Variants in AKAIN1 observed in about 807,000 individuals in gnomAD.
AKAIN1 encodes A-kinase anchor inhibitor 1.
AKAIN1 carries 3 observed loss-of-function variants against 3.7 expected under a neutral mutation model. The ratio of observed to expected loss-of-function variants is 0.82; its 90% CI spans 0.37 to 2.12. AKAIN1 has a LOEUF of 2.12. Among genes scored for constraint, AKAIN1 ranks in the 30% most tolerant of loss-of-function variants. The pLI is 0.06. For missense variants in AKAIN1, 82 were observed against 82.7 expected, an observed-to-expected ratio of 0.99 and a Z score of 0.03; for synonymous variants, 31 against 30.8, an observed-to-expected ratio of 1.01 and a Z score of -0.02.
rs2071286309 is a variant in AKAIN1, at chr18:5,186,196, G to C, written c.16+10842C>G. Among the ~76,000 whole-genome samples, 3 of 152,034 alleles carry C rather than the reference G, an allele frequency of 2.0e-5. No individual in the cohort carries two copies. The South Asian group carries it at 6.2e-4, about 32-fold the overall frequency. ...TGAGTACACATGGACACAAAGAAGGGAACAACAGATACCAGGGCCTACTTG... is the reference window on the plus strand; with the variant it reads ...TGAGTACACATGGACACAAAGAAGGCAACAACAGATACCAGGGCCTACTTG... On this transcript the variant is annotated intron_variant, in intron 1 of 1. Coordinates refer to ENST00000434239, the MANE Select transcript of AKAIN1 (RefSeq NM_001145194.2).
intron 1 of AKAIN1, among the ~76,000 whole-genome samples, chr18:5,180,767 C>G (rs2071253353): frequency 6.6e-6 from 1 of 151,646 alleles, no homozygotes; most frequent in Admixed American, 6.6e-5. Context: ...CCCCAAAATG[C>G]AAAAATAAAA....
intron 1 of AKAIN1, among the ~76,000 whole-genome samples, chr18:5,185,800 T>G (rs1309895112): frequency 1.3e-5 from 2 of 151,814 alleles, no homozygotes; most frequent in African/African-American, 4.8e-5. Context: ...CTCAAAGAAC[T>G]TATTTGTCCC....
intron 1 of AKAIN1, among the ~76,000 whole-genome samples, chr18:5,185,902 A>C (rs1239011148): frequency 6.6e-6 from 1 of 152,192 alleles, no homozygotes; most frequent in Non-Finnish European, 1.5e-5. Flanking sequence ...AGCACTATTC[A>C]CAGTAGCTAA....
intron 1 of AKAIN1, among the ~76,000 whole-genome samples, chr18:5,192,449 T>TTTC (rs1567881080): frequency 3.1e-4 from 17 of 55,088 alleles, no homozygotes; most frequent in Non-Finnish European, 4.5e-4. Context: ...TTCTTTCTTT[T>TTTC]TCTTTTCTTT....
At chr18:5,149,762 A>G (rs1878131489) in intron 1 of AKAIN1, among the ~76,000 whole-genome samples, 1 of 152,204 alleles carries the variant, frequency 6.6e-6, no homozygotes, top group African/African-American at 2.4e-5. Flanking sequence ...AAATTCCTGA[A>G]AGAGAGAGCC....
chr18:5,154,829 A>T (rs7243183), intron 1 of AKAIN1, among the ~76,000 whole-genome samples: 1,561 of 152,248 alleles, frequency 0.01, 34 homozygotes, highest in African/African-American at 0.034. Context: ...TCCTCCTGTC[A>T]TCTAGGCTGG....
At chr18:5,195,037 C>G (rs1243918599) in intron 1 of AKAIN1, among the ~76,000 whole-genome samples, 1 of 152,084 alleles carries the variant, frequency 6.6e-6, no homozygotes, top group Non-Finnish European at 1.5e-5. Flanking sequence ...AATTAGAAAA[C>G]AAATGATCCA....
chr18:5,151,378 A>C (rs60011081), intron 1 of AKAIN1, among the ~76,000 whole-genome samples: 5,817 of 152,224 alleles, frequency 0.038, 393 homozygotes, highest in African/African-American at 0.13. Flanking sequence ...CATCTACACC[A>C]ACTGCAAATA....
At chr18:5,184,382 G>A (rs539545686) in intron 1 of AKAIN1, among the ~76,000 whole-genome samples, 9 of 151,992 alleles carry the variant, frequency 5.9e-5, no homozygotes, top group Non-Finnish European at 1.2e-4. Flanking sequence ...ACATCAAATA[G>A]GAGGAAAGTA....
chr18:5,190,485 A>T (rs1286861253), intron 1 of AKAIN1, among the ~76,000 whole-genome samples: 1 of 152,194 alleles, frequency 6.6e-6, no homozygotes, highest in African/African-American at 2.4e-5. Flanking sequence ...CTCCCTATGA[A>T]CAAAACTCTA....
intron 1 of AKAIN1, among the ~76,000 whole-genome samples, chr18:5,179,399 ATATGTATG>A (rs570372125): frequency 6.8e-6 from 1 of 148,074 alleles, no homozygotes. Context: ...ATGGCTGAGT[ATATGTATG>A]TATGTATGTA....
At chr18:5,168,711 G>T (rs1169654960) in intron 1 of AKAIN1, among the ~76,000 whole-genome samples, 1 of 151,926 alleles carries the variant, frequency 6.6e-6, no homozygotes, top group African/African-American at 2.4e-5. Context: ...CCCTTCAAGA[G>T]CTTAAAACAT....
At chr18:5,158,476 C>T (rs2071120720) in intron 1 of AKAIN1, among the ~76,000 whole-genome samples, 1 of 152,220 alleles carries the variant, frequency 6.6e-6, no homozygotes, top group Non-Finnish European at 1.5e-5. Context: ...ATGTTACACC[C>T]AGTTCATCTC....
intron 1 of AKAIN1, among the ~76,000 whole-genome samples, chr18:5,187,797 A>G (rs1264419332): frequency 1.3e-5 from 2 of 152,116 alleles, no homozygotes; most frequent in South Asian, 2.1e-4. Context: ...TTTTATCCCA[A>G]TAGTCCCAAA....
chr18:5,166,961 C>T (rs944826958), intron 1 of AKAIN1, among the ~76,000 whole-genome samples: 3 of 152,016 alleles, frequency 2.0e-5, no homozygotes, highest in East Asian at 1.9e-4. Context: ...ACTAGCAATC[C>T]GCTATGCTAA....
At chr18:5,163,791 T>C (rs919503403) in intron 1 of AKAIN1, 1 of 152,018 alleles carries the variant, frequency 6.6e-6, no homozygotes, top group African/African-American at 2.4e-5. Flanking sequence ...TCATGAAGCA[T>C]TAACAGGTGA....
At chr18:5,173,711 T>C (rs754487589) in intron 1 of AKAIN1, among the ~76,000 whole-genome samples, 37 of 152,150 alleles carry the variant, frequency 2.4e-4, no homozygotes, top group Non-Finnish European at 4.1e-4. Flanking sequence ...AAGAATCATT[T>C]TGACCTCTAG....
intron 1 of AKAIN1, among the ~76,000 whole-genome samples, chr18:5,168,864 TAAAA>T (rs34950957): frequency 8.2e-6 from 1 of 122,670 alleles, no homozygotes; most frequent in Non-Finnish European, 1.7e-5. Context: ...GGCAATTCAT[TAAAA>T]AAAAAAAAAA....
At chr18:5,168,476 T>C (rs1185533404) in intron 1 of AKAIN1, among the ~76,000 whole-genome samples, 1 of 150,112 alleles carries the variant, frequency 6.7e-6, no homozygotes, top group Non-Finnish European at 1.5e-5. Context: ...CGTATCCAGT[T>C]AAGTTGCATA....
Sources: gnomAD v4.1 joint callset for allele counts (sites outside exome capture counted in the v4.1 genomes callset) on GRCh38, gnomAD v4.1.1 for gene constraint, MANE v1.5 for transcripts, NCBI Gene and HGNC (gene_info 2026-07-23, HGNC 2026-07-21) for gene names.